Variants in GNL3L observed in about 807,000 individuals in gnomAD.
The protein encoded by GNL3L is guanine nucleotide-binding protein-like 3-like protein.
GNL3L carries 4 observed loss-of-function variants against 42.9 expected under a neutral mutation model. That is an observed-to-expected ratio of 0.09 (90% CI 0.05 to 0.21). The LOEUF is 0.21. Among genes scored for constraint, GNL3L ranks in the 10% least tolerant of loss-of-function variants. The pLI is 1.00. For missense variants in GNL3L, 412 were observed against 481.7 expected (o/e 0.86, Z 1.36); for synonymous variants, 159 against 176.3 (o/e 0.90, Z 0.78).
chrX:54,639,234 TA>T, the GNL3L span, among the ~76,000 whole-genome samples: 1 of 111,510 alleles, frequency 9.0e-6, no homozygotes, highest in African/African-American at 3.3e-5. Flanking sequence ...GGCGTTACAT[TA>T]AAAAAAATTT....
At chrX:54,635,054 A>C in the GNL3L span, among the ~76,000 whole-genome samples, 1 of 110,271 alleles carries the variant, frequency 9.1e-6, no homozygotes, top group Middle Eastern at 4.6e-3. Flanking sequence ...GGCCTCCCAA[A>C]GTGCTGGGAT....
rs753460964 is a variant in GNL3L, at chrX:54,545,790, T to G, written c.630+1464T>G. On this transcript the variant is annotated intron_variant, in intron 8 of 15. Coordinates refer to ENST00000360845, the MANE Select transcript of GNL3L (RefSeq NM_001184819.2). Reference sequence around the variant, plus strand: ...ACCAGTCTCCCTAATTCTAGTCTCCTTTATTCATGCCCAGAGGTAACTACC... The same window carrying G: ...ACCAGTCTCCCTAATTCTAGTCTCCGTTATTCATGCCCAGAGGTAACTACC... Among the ~76,000 whole-genome samples, 3 of 112,212 alleles carry G rather than the reference T, an allele frequency of 2.7e-5. No individual in the cohort carries two copies. The East Asian group carries it at 8.4e-4, about 31-fold the overall frequency.
chrX:54,540,726 C>T (rs1243458243), intron 4 of GNL3L, among the ~76,000 whole-genome samples: 1 of 110,658 alleles, frequency 9.0e-6, no homozygotes, highest in African/African-American at 3.3e-5. Flanking sequence ...GGTGTGATCT[C>T]GATTCACTGC....
downstream of GNL3L, among the ~76,000 whole-genome samples, chrX:54,572,222 G>T (rs1465551963): frequency 2.8e-5 from 3 of 107,911 alleles, no homozygotes; most frequent in Non-Finnish European, 5.8e-5. Flanking sequence ...CGAGCATGCT[G>T]CCTTCAAGCA....
chrX:54,547,033 A>G lies in GNL3L; in HGVS notation c.631-1196A>G, dbSNP rs148115087. Among the ~76,000 whole-genome samples, 716 of 82,563 alleles carry G rather than the reference A, an allele frequency of 8.7e-3. 6 individuals are homozygous for G. Among genetic ancestry groups the G allele is most frequent in the Non-Finnish European group, 0.012 (528 of 44,449 alleles). The allele number at this position is 82,563 out of a possible 115,157, so 71.7% of individuals were successfully genotyped here. On this transcript the variant is annotated intron_variant, in intron 8 of 15. Coordinates refer to ENST00000360845, the MANE Select transcript of GNL3L (RefSeq NM_001184819.2). ...TTTTTTTGAGATGACGTCTCACTCT[A>G]TCTCCCAGGCTGGGGTGCACTGGTG...
chrX:54,620,280 C>T (rs997906880), intron 16 of GNL3L, among the ~76,000 whole-genome samples: 13 of 111,163 alleles, frequency 1.2e-4, no homozygotes, highest in East Asian at 2.8e-4. Flanking sequence ...TCACCACCCC[C>T]GCACCCCCAT....
At chrX:54,532,288 C>G (rs769172888) in intron 1 of GNL3L, among the ~76,000 whole-genome samples, 61 of 109,746 alleles carry the variant, frequency 5.6e-4, no homozygotes, top group Non-Finnish European at 1.0e-3. Flanking sequence ...GAGCCACTGA[C>G]TCCACCCCGG....
the GNL3L span, among the ~76,000 whole-genome samples, chrX:54,632,113 CTTG>C: frequency 1.8e-5 from 2 of 112,006 alleles, no homozygotes; most frequent in Admixed American, 1.9e-4. Context: ...TCCCTTCTAG[CTTG>C]TAGGGTTTCT....
At chrX:54,586,262 A>G (rs775956309) in intron 16 of GNL3L, among the ~76,000 whole-genome samples, 92 of 110,987 alleles carry the variant, frequency 8.3e-4, no homozygotes, top group Non-Finnish European at 1.4e-3. Context: ...AATCCTAGCT[A>G]TGGGAGAGCC....
intron 16 of GNL3L, among the ~76,000 whole-genome samples, chrX:54,620,788 C>T (rs754978934): frequency 2.5e-3 from 277 of 112,057 alleles, no homozygotes; most frequent in African/African-American, 8.4e-3. Flanking sequence ...TCCATATCCT[C>T]TCCAGCACTT....
Position 54,551,945 on chromosome X carries a change from G to A in GNL3L, c.1152G>A (p.Ala384=), listed in dbSNP as rs542161844. 1.6e-5 allele frequency: 19 copies of A among 1,210,533 alleles called. No individual in the cohort carries two copies. The African/African-American group carries it at 1.7e-4, about 11-fold the overall frequency. ...GAGGCTTATATAGTCAGGAACAGGC[G>A]GCCAAAGCTGTCCTAGCTGACTGGG... The part of the protein sequence containing the change: ...KKGGLYSQEQ[A]AKAVLADWVS... The change falls in exon 12 of 16, where the codon GCG becomes GCA. Residue 384 remains alanine (A), a synonymous_variant. Transcript: ENST00000360845.
chrX:54,624,438 CTT>C (rs761943977), downstream of GNL3L, among the ~76,000 whole-genome samples: 17 of 82,439 alleles, frequency 2.1e-4, no homozygotes, highest in African/African-American at 4.7e-4. Context: ...TTTTCTTTTT[CTT>C]TTTTTTTTTT....
chrX:54,639,596 A>G, the GNL3L span, among the ~76,000 whole-genome samples: 1 of 111,957 alleles, frequency 8.9e-6, no homozygotes, highest in Non-Finnish European at 1.9e-5. Flanking sequence ...TGAGCTTTGC[A>G]GCTTTTCTTG....
In GNL3L at chrX:54,551,015, C is replaced by T. The variant is rs138966750; in HGVS notation, c.828C>T (p.Arg276=). The T allele has an allele frequency of 7.2e-5, 83 of 1,152,860 alleles. No individual in the cohort carries two copies. The African/African-American group carries it at 7.5e-4, about 10-fold the overall frequency. Residue 276 remains arginine (R), a synonymous_variant, in exon 10 of 16, where the codon CGC becomes CGT. Transcript: ENST00000360845. ...TGATCAATAGCCTGAAGCGCAGCCG[C>T]GCATGCAGCGTGGGAGCTGTTCCTG... ...SSLINSLKRS[R]ACSVGAVPGI...
chrX:54,579,986 G>GTTTTTTTTTTTTTTT (rs869217575), intron 16 of GNL3L, among the ~76,000 whole-genome samples: 14 of 47,683 alleles, frequency 2.9e-4, no homozygotes, highest in African/African-American at 1.3e-3. Context: ...CCTAAAGTTT[G>GTTTTTTTTTTTTTTT]TTTTTTTTTT....
chrX:54,560,513 T>G lies in GNL3L; in HGVS notation c.1667-7T>G, dbSNP rs1353192063. The G allele has an allele frequency of 8.9e-7, 1 of 1,117,508 alleles. No individual in the cohort carries two copies. Among genetic ancestry groups the G allele is most frequent in the Non-Finnish European group, 1.2e-6 (1 of 810,037 alleles). 92.1% of individuals were successfully genotyped at this position (1,117,508 alleles called of 1,213,427 possible). A position where few individuals can be genotyped will look rare whatever the true frequency, so the allele number is the denominator to read the frequency against. ...CCAAAAGATTGCCTGTATTTCTCCA[T>G]TTGCAGATAAAATCGCCAGCAAGCT... is the stretch of plus-strand genomic sequence containing the variant. On this transcript the variant is annotated splice_polypyrimidine_tract_variant and splice_region_variant and intron_variant, in intron 15 of 15. Transcript: ENST00000360845.
At chrX:54,535,179 C>T (rs370227911) in intron 2 of GNL3L, among the ~76,000 whole-genome samples, 1 of 111,701 alleles carries the variant, frequency 9.0e-6, no homozygotes, top group Non-Finnish European at 1.9e-5. Context: ...AGTGCAATGG[C>T]GCGATCTCAG....
At chrX:54,560,487 A>T in intron 15 of GNL3L, 33 bp from the exon 16 acceptor site, 1 of 915,363 alleles carries the variant, frequency 1.1e-6, no homozygotes, top group Non-Finnish European at 1.6e-6. Context: ...CAAGCCAGCC[A>T]CCAAAAGATT....
intron 16 of GNL3L, among the ~76,000 whole-genome samples, chrX:54,597,387 T>C (rs56384694): frequency 0.1 from 11,108 of 110,975 alleles, 769 homozygotes; most frequent in African/African-American, 0.25. Flanking sequence ...GTATGCCTTA[T>C]CTTGTGTGGC....
Sources: gnomAD v4.1 joint callset for allele counts (sites outside exome capture counted in the v4.1 genomes callset) on GRCh38, gnomAD v4.1.1 for gene constraint, MANE v1.5 for transcripts, NCBI Gene and HGNC (gene_info 2026-07-23, HGNC 2026-07-21) for gene names.